The following MEIKIN variants were observed in gnomAD, a reference collection of about 807,000 sequenced individuals.
The protein encoded by MEIKIN is meiosis-specific kinetochore protein.
At position 131,921,881 on chromosome 5, in the gene MEIKIN, G is replaced by C; in HGVS notation, c.539C>G (p.Thr180Ser). 1 of 398,920 alleles carries C rather than the reference G, an allele frequency of 2.5e-6. No individual in the cohort carries two copies. The highest frequency in any genetic ancestry group is 3.6e-5 in the East Asian group (1 of 28,060). 24.7% of individuals were successfully genotyped at this position (398,920 alleles called of 1,614,324 possible). Residue 180 changes from threonine to serine, a missense_variant, in exon 6 of 13, where the codon ACC (threonine) becomes AGC (serine). Coordinates refer to ENST00000442687, the MANE Select transcript of MEIKIN (RefSeq NM_001303622.2). ...MQWKNSTLLD[T>S]SKAVAIEKAP... ...CTTCTCTATCGCTACTGCTTTACTG[G>C]TATCCAGAAGAGTAGAATTCTTCCA...
At chr5:131,869,321 A>G (rs1016617669) in intron 9 of MEIKIN, among the ~76,000 whole-genome samples, 10 of 152,078 alleles carry the variant, frequency 6.6e-5, no homozygotes, top group African/African-American at 2.4e-4. Context: ...CTCTCTCTCT[A>G]TTCTGTTCCA....
intron 12 of MEIKIN, among the ~76,000 whole-genome samples, chr5:131,812,599 T>C (rs956825481): frequency 3.3e-5 from 5 of 152,182 alleles, no homozygotes; most frequent in Non-Finnish European, 7.3e-5. Flanking sequence ...AGTTAACATA[T>C]TTCTCATTTA....
intron 7 of MEIKIN, among the ~76,000 whole-genome samples, chr5:131,913,645 T>A (rs2149644411): frequency 6.6e-6 from 1 of 152,362 alleles, no homozygotes; most frequent in Non-Finnish European, 1.5e-5. Context: ...AGTAATAAGC[T>A]AATGCTGGTA....
intron 10 of MEIKIN, among the ~76,000 whole-genome samples, chr5:131,853,765 T>C (rs1199470353): frequency 6.6e-6 from 1 of 152,140 alleles, no homozygotes; most frequent in Non-Finnish European, 1.5e-5. Context: ...TCATCCTTAT[T>C]AGGGAAATAC....
In MEIKIN at chr5:131,870,651, G is replaced by A. The variant is rs750979291; in HGVS notation, c.774+8327C>T. On this transcript the variant is annotated intron_variant, in intron 9 of 12. Transcript: ENST00000442687. The stretch of plus-strand genomic sequence containing the variant: ...AATAGCATCTTTATCCACTAAAGAT[G>A]CTCAAAACGGAAACCCAGAAGTCTT... Among the ~76,000 whole-genome samples, 39 of 152,086 alleles carry A rather than the reference G, an allele frequency of 2.6e-4. 1 individual carries two copies. The highest frequency in any genetic ancestry group is 5.3e-4 in the Non-Finnish European group (36 of 68,028).
intron 11 of MEIKIN, among the ~76,000 whole-genome samples, chr5:131,822,934 ATTTTTT>A (rs70974019): frequency 1.7e-5 from 2 of 116,888 alleles, no homozygotes; most frequent in African/African-American, 3.0e-5. Flanking sequence ...TGCTTAAAGG[ATTTTTT>A]TTTTTTTTTT....
At chr5:131,890,886 G>C (rs1215966413) in intron 8 of MEIKIN, among the ~76,000 whole-genome samples, 1 of 152,118 alleles carries the variant, frequency 6.6e-6, no homozygotes, top group Non-Finnish European at 1.5e-5. Flanking sequence ...ACACTGTTTT[G>C]TATGTGTCCC....
intron 4 of MEIKIN, among the ~76,000 whole-genome samples, chr5:131,941,181 G>A (rs572860729): frequency 2.4e-5 from 2 of 83,440 alleles, no homozygotes; most frequent in Admixed American, 1.9e-4. Context: ...TTTTTGTGAC[G>A]AAGTCTCGCT....
chr5:131,880,707 C>T (rs1750690295), intron 8 of MEIKIN, among the ~76,000 whole-genome samples: 4 of 152,164 alleles, frequency 2.6e-5, no homozygotes. Flanking sequence ...TTTCTACTGC[C>T]CCCAAGTTAA....
intron 8 of MEIKIN, among the ~76,000 whole-genome samples, chr5:131,898,239 C>G (rs185800258): frequency 5.8e-4 from 88 of 152,322 alleles, no homozygotes; most frequent in African/African-American, 2.0e-3. Flanking sequence ...GCAGATGCTG[C>G]AAAACAGCAA....
chr5:131,852,765 C>A (rs1234003730), intron 10 of MEIKIN, among the ~76,000 whole-genome samples: 5 of 151,960 alleles, frequency 3.3e-5, no homozygotes, highest in Admixed American at 2.0e-4. Context: ...ATGCTAAAAA[C>A]CACTGAATTA....
At chr5:131,820,914 G>C (rs957508785) in intron 11 of MEIKIN, among the ~76,000 whole-genome samples, 1 of 151,736 alleles carries the variant, frequency 6.6e-6, no homozygotes, top group African/African-American at 2.4e-5. Flanking sequence ...TCTTAGTCTG[G>C]CTAATGATTT....
At chr5:131,874,110 C>A (rs1204616839) in intron 9 of MEIKIN, among the ~76,000 whole-genome samples, 1 of 152,104 alleles carries the variant, frequency 6.6e-6, no homozygotes. Context: ...CAAACACATT[C>A]AAAAGCTAGC....
chr5:131,900,667 A>T (rs1751141311), intron 8 of MEIKIN, among the ~76,000 whole-genome samples: 1 of 152,186 alleles, frequency 6.6e-6, no homozygotes. Flanking sequence ...AGTCTTGCCC[A>T]TGAGATAGGG....
chr5:131,821,503 T>C (rs1394491168), intron 11 of MEIKIN, among the ~76,000 whole-genome samples: 1 of 152,140 alleles, frequency 6.6e-6, no homozygotes, highest in Non-Finnish European at 1.5e-5. Flanking sequence ...TAAATATCTA[T>C]TAGGTCCATT....
At chr5:131,838,169 T>C (rs965131414) in intron 11 of MEIKIN, among the ~76,000 whole-genome samples, 1 of 152,200 alleles carries the variant, frequency 6.6e-6, no homozygotes, top group African/African-American at 2.4e-5. Context: ...GATTTGCGTA[T>C]ACTGACTCAA....
intron 8 of MEIKIN, among the ~76,000 whole-genome samples, chr5:131,889,720 T>C (rs1239519682): frequency 2.6e-5 from 4 of 152,202 alleles, no homozygotes; most frequent in Admixed American, 6.5e-5. Flanking sequence ...TTCTGCCTGA[T>C]GGCCCTGACC....
intron 8 of MEIKIN, among the ~76,000 whole-genome samples, chr5:131,894,129 T>C: frequency 6.6e-6 from 1 of 152,202 alleles, no homozygotes; most frequent in Non-Finnish European, 1.5e-5. Context: ...CTAGCCAGTT[T>C]TCCCAGCACC....
At chr5:131,895,865 T>G (rs1192808449) in intron 8 of MEIKIN, among the ~76,000 whole-genome samples, 1 of 152,064 alleles carries the variant, frequency 6.6e-6, no homozygotes, top group East Asian at 1.9e-4. Context: ...TTTTGAAGGG[T>G]TTTTTGTGTC....
Sources: allele counts gnomAD v4.1 joint callset (sites outside exome capture counted in the v4.1 genomes callset), GRCh38; gene constraint gnomAD v4.1.1; transcripts MANE v1.5; gene names NCBI Gene and HGNC (gene_info 2026-07-23, HGNC 2026-07-21).